Variants in TSC22D1 observed in about 807,000 individuals in gnomAD.
TSC22D1 encodes TSC22 domain family protein 1.
Under a neutral mutation model 74.2 loss-of-function variants are expected in TSC22D1, and 9 were observed. That is an observed-to-expected ratio of 0.12 (90% confidence interval 0.07 to 0.21). The LOEUF (loss-of-function observed/expected upper bound fraction) is 0.21, where lower values mean the gene tolerates loss of function less well. Ranked by LOEUF, TSC22D1 falls within the 10% of genes least tolerant of loss-of-function variation. The pLI is 1.00. For synonymous variants in TSC22D1, 586 were observed against 492.5 expected (o/e 1.19, Z -2.51); for missense variants, 1,427 against 1,304.7 (o/e 1.09, Z -1.44).
intron 1 of TSC22D1, among the ~76,000 whole-genome samples, chr13:44,497,319 T>C (rs1211393454): frequency 6.6e-6 from 1 of 152,200 alleles, no homozygotes; most frequent in Non-Finnish European, 1.5e-5. Flanking sequence ...ATTTCATTCA[T>C]ATGAAATATT....
intron 1 of TSC22D1, among the ~76,000 whole-genome samples, chr13:44,499,705 T>A (rs2137979498): frequency 6.6e-6 from 1 of 152,358 alleles, no homozygotes; most frequent in Non-Finnish European, 1.5e-5. Flanking sequence ...CCAATTCTTG[T>A]GCTTTGCCTA....
intron 1 of TSC22D1, among the ~76,000 whole-genome samples, chr13:44,548,605 T>C (rs1186774948): frequency 2.0e-5 from 3 of 152,134 alleles, no homozygotes; most frequent in Non-Finnish European, 4.4e-5. Flanking sequence ...TAAAACTATG[T>C]AAAAATATGG....
At chr13:44,446,791 G>A (rs1474735716) in intron 1 of TSC22D1, among the ~76,000 whole-genome samples, 1 of 75,632 alleles carries the variant, frequency 1.3e-5, no homozygotes, top group Non-Finnish European at 3.2e-5. Flanking sequence ...AGAAGAGGAG[G>A]AGGAGGAGGA....
chr13:44,556,243 A>G (rs536184385), intron 1 of TSC22D1, among the ~76,000 whole-genome samples: 1 of 151,308 alleles, frequency 6.6e-6, no homozygotes, highest in African/African-American at 2.4e-5. Flanking sequence ...AAAACAAACC[A>G]CCACCACCAC....
intron 1 of TSC22D1, among the ~76,000 whole-genome samples, chr13:44,516,977 T>C (rs1880019783): frequency 1.3e-5 from 2 of 152,224 alleles, no homozygotes; most frequent in African/African-American, 4.8e-5. Context: ...ATCTCAGCTC[T>C]ACACCAGGGC....
chr13:44,496,769 A>G (rs560391153), intron 1 of TSC22D1, among the ~76,000 whole-genome samples: 1 of 152,146 alleles, frequency 6.6e-6, no homozygotes, highest in South Asian at 2.1e-4. Flanking sequence ...GGAGACAAAG[A>G]TAGGGGGATC....
chr13:44,570,732 G>C (rs759059258), intron 1 of TSC22D1, among the ~76,000 whole-genome samples: 3 of 152,072 alleles, frequency 2.0e-5, no homozygotes, highest in Non-Finnish European at 4.4e-5. Context: ...TCATAATATT[G>C]AAATTATATA....
chr13:44,471,412 C>T (rs1051961996), intron 1 of TSC22D1, among the ~76,000 whole-genome samples: 1 of 152,038 alleles, frequency 6.6e-6, no homozygotes, highest in Admixed American at 6.6e-5. Flanking sequence ...AAACTCTTAC[C>T]ATCACACTTT....
At chr13:44,527,144 G>C (rs1023794777) in intron 1 of TSC22D1, among the ~76,000 whole-genome samples, 2 of 151,922 alleles carry the variant, frequency 1.3e-5, no homozygotes, top group African/African-American at 4.8e-5. Context: ...TAAAAATAGA[G>C]AATTTGTCAC....
chr13:44,564,941 G>C (rs991126343), intron 1 of TSC22D1, among the ~76,000 whole-genome samples: 5 of 152,084 alleles, frequency 3.3e-5, no homozygotes, highest in African/African-American at 4.8e-5. Flanking sequence ...ATGACTCTCA[G>C]GTTTCTAAAG....
intron 1 of TSC22D1, among the ~76,000 whole-genome samples, chr13:44,471,954 T>C (rs1217151320): frequency 6.6e-6 from 1 of 152,204 alleles, no homozygotes; most frequent in Non-Finnish European, 1.5e-5. Flanking sequence ...ACTTGCCCAT[T>C]AGTCACCCAG....
At chr13:44,500,428 C>T (rs1002756677) in intron 1 of TSC22D1, among the ~76,000 whole-genome samples, 11 of 152,144 alleles carry the variant, frequency 7.2e-5, no homozygotes, top group Non-Finnish European at 1.5e-4. Context: ...TGTGTTCATT[C>T]TTAGTTGACT....
chr13:44,558,265 T>A (rs1882818120), intron 1 of TSC22D1, among the ~76,000 whole-genome samples: 1 of 152,250 alleles, frequency 6.6e-6, no homozygotes, highest in Non-Finnish European at 1.5e-5. Context: ...TAGTAGTTAA[T>A]GTGACCAAGG....
chr13:44,554,570 G>A (rs1157427479), intron 1 of TSC22D1, among the ~76,000 whole-genome samples: 2 of 126,110 alleles, frequency 1.6e-5, no homozygotes, highest in Non-Finnish European at 3.2e-5. Context: ...TATGTAACAA[G>A]CATTCAATAA....
At chr13:44,563,988 A>C (rs1355862072) in intron 1 of TSC22D1, among the ~76,000 whole-genome samples, 1 of 152,222 alleles carries the variant, frequency 6.6e-6, no homozygotes, top group African/African-American at 2.4e-5. Flanking sequence ...CCTTGGGGAC[A>C]AGAACCATAT....
At chr13:44,571,512 T>C (rs571816991) in intron 1 of TSC22D1, among the ~76,000 whole-genome samples, 8 of 152,266 alleles carry the variant, frequency 5.3e-5, no homozygotes, top group East Asian at 1.9e-4. Flanking sequence ...CATGGCAAGT[T>C]TGAATTCAAA....
Position 44,573,737 on chromosome 13 carries a change from T to C in TSC22D1, c.2338A>G (p.Ser780Gly), listed in dbSNP as rs1049608955. The C allele has an allele frequency of 1.2e-6, 2 of 1,614,248 alleles. No individual in the cohort carries two copies. The highest frequency in any genetic ancestry group is 1.3e-5 in the African/African-American group (1 of 75,064). ...AATTGTTGAGGAAGGCTTGGAGCAC[T>C]AGTTTGAACTCCCTGATGAATAATC... ...TGIIHQGVQTSAPSLPQQLVI... is the reference protein window; with the variant it reads ...TGIIHQGVQTGAPSLPQQLVI... Residue 780 changes from serine to glycine, a missense_variant, in exon 1 of 3, where the codon AGT becomes GGT. Ser to Gly is a moderately conservative substitution (Grantham distance 56). Coordinates refer to ENST00000458659, the MANE Select transcript of TSC22D1 (RefSeq NM_183422.4).
Position 44,433,858 on chromosome 13 carries a change from CTA to C in TSC22D1, c.*766_*767del, listed in dbSNP as rs1566107149. 1 of 880,754 alleles carries C rather than the reference CTA, an allele frequency of 1.1e-6. No individual in the cohort carries two copies. The highest frequency in any genetic ancestry group is 1.8e-5 in the African/African-American group (1 of 56,122). The allele number at this position is 880,754 out of a possible 1,614,324, so 54.6% of individuals were successfully genotyped here. On this transcript the variant is annotated 3_prime_UTR_variant, in exon 3 of 3. Transcript: ENST00000458659. ...GTCATGTAGCAGTTTTTATGTAGAT[CTA>C]TATATAAAAGTCCACACCTCCTCAG...
At chr13:44,505,758 T>C (rs1045912570) in intron 1 of TSC22D1, among the ~76,000 whole-genome samples, 4 of 152,232 alleles carry the variant, frequency 2.6e-5, no homozygotes, top group South Asian at 4.1e-4. Flanking sequence ...TACTTATTTA[T>C]TGAATGCTTA....
Sources: allele counts gnomAD v4.1 joint callset (sites outside exome capture counted in the v4.1 genomes callset), GRCh38; gene constraint gnomAD v4.1.1; transcripts MANE v1.5; gene names NCBI Gene and HGNC (gene_info 2026-07-23, HGNC 2026-07-21).